The following IMMP2L variants were observed in gnomAD, a reference collection of about 807,000 sequenced individuals.
IMMP2L encodes the protein inner mitochondrial membrane peptidase subunit 2.
In IMMP2L, 18 loss-of-function variants were observed where a neutral mutation model predicts 19.3. That is an observed-to-expected ratio of 0.93 (90% CI 0.64 to 1.38). The LOEUF (loss-of-function observed/expected upper bound fraction) is 1.38. Among genes scored for constraint, IMMP2L ranks in the 40% most tolerant of loss-of-function variants. The probability of loss-of-function intolerance (pLI) is 0.00; values close to 1 mark genes in which losing one functional copy is unlikely to be tolerated. For synonymous variants in IMMP2L, 76 were observed against 73.0 expected, an observed-to-expected ratio of 1.04 and a Z score of -0.21; for missense variants, 233 against 218.2, an observed-to-expected ratio of 1.07 and a Z score of -0.43.
At chr7:110,798,613 T>A (rs1057306693) in intron 5 of IMMP2L, among the ~76,000 whole-genome samples, 1 of 152,000 alleles carries the variant, frequency 6.6e-6, no homozygotes, top group African/African-American at 2.4e-5. Flanking sequence ...AAAATTGAGA[T>A]TAATGCTAGA....
intron 3 of IMMP2L, among the ~76,000 whole-genome samples, chr7:111,300,220 T>G (rs1298373699): frequency 1.3e-5 from 2 of 152,156 alleles, no homozygotes; most frequent in African/African-American, 2.4e-5. Flanking sequence ...GAGATTTGTT[T>G]GCAGCTTTGC....
intron 3 of IMMP2L, among the ~76,000 whole-genome samples, chr7:111,373,162 C>A (rs1184779104): frequency 6.7e-6 from 1 of 150,366 alleles, no homozygotes; most frequent in Non-Finnish European, 1.5e-5. Flanking sequence ...ACATGCCTCC[C>A]ACAGGGTAGT....
chr7:111,085,929 T>C (rs1586166584), intron 3 of IMMP2L, among the ~76,000 whole-genome samples: 1 of 152,070 alleles, frequency 6.6e-6, no homozygotes, highest in East Asian at 1.9e-4. Context: ...AAGTGGGGGC[T>C]AAGTGATGAA....
chr7:111,033,541 T>A (rs569481284), intron 3 of IMMP2L, among the ~76,000 whole-genome samples: 12 of 152,352 alleles, frequency 7.9e-5, no homozygotes, highest in African/African-American at 2.4e-4. Flanking sequence ...AGCAGCTTTA[T>A]TCATAATTGC....
intron 3 of IMMP2L, among the ~76,000 whole-genome samples, chr7:111,121,796 G>C (rs554164500): frequency 6.7e-4 from 102 of 152,214 alleles, no homozygotes; most frequent in Non-Finnish European, 8.1e-4. Context: ...TATTGCAGCA[G>C]TATTCACAAT....
rs1406181189 is a variant in IMMP2L, at chr7:111,501,292, A to G, written c.136-13951T>C. Among the ~76,000 whole-genome samples, 100 of 152,142 alleles carry G rather than the reference A, an allele frequency of 6.6e-4. 3 individuals are homozygous for G. The South Asian group carries it at 0.018, about 27-fold the overall frequency. On this transcript the variant is annotated intron_variant, in intron 2 of 5. Transcript: ENST00000405709. ...TAGAGAAAAAAGAATAAAAAGAAAC[A>G]AACAAAGCCTCCAAGAAATATGGGA...
intron 1 of IMMP2L, among the ~76,000 whole-genome samples, chr7:111,557,133 C>T (rs953733108): frequency 1.3e-5 from 2 of 152,120 alleles, no homozygotes; most frequent in African/African-American, 4.8e-5. Flanking sequence ...TCTATTCCCA[C>T]TACTTCCACC....
At chr7:111,402,123 AAATAATAATAATAATAATAATAAT>A (rs59071691) in intron 3 of IMMP2L, among the ~76,000 whole-genome samples, 5,271 of 137,334 alleles carry the variant, frequency 0.038, 347 homozygotes, top group African/African-American at 0.13. Context: ...CCCATCTCAA[AAATAATAATAATAATAATAATAAT>A]AATAATAATA....
At chr7:110,750,250 G>GT (rs1464443185) in intron 5 of IMMP2L, among the ~76,000 whole-genome samples, 1 of 131,512 alleles carries the variant, frequency 7.6e-6, no homozygotes, top group Non-Finnish European at 1.8e-5. Context: ...AGAACCAGCT[G>GT]TAAGAGTTTT....
intron 3 of IMMP2L, among the ~76,000 whole-genome samples, chr7:111,444,293 T>C (rs978632607): frequency 2.0e-5 from 3 of 152,186 alleles, no homozygotes; most frequent in African/African-American, 7.2e-5. Context: ...GATGTATATG[T>C]ATATGCACAC....
At chr7:111,417,974 T>G (rs1161221394) in intron 3 of IMMP2L, among the ~76,000 whole-genome samples, 3 of 151,802 alleles carry the variant, frequency 2.0e-5, no homozygotes, top group Admixed American at 2.0e-4. Flanking sequence ...AAACAAAATC[T>G]TCCTAACCAT....
chr7:110,792,777 T>C (rs983675736), intron 5 of IMMP2L, among the ~76,000 whole-genome samples: 2 of 152,116 alleles, frequency 1.3e-5, no homozygotes, highest in African/African-American at 2.4e-5. Context: ...ATGAATGACA[T>C]GTATCCACCA....
chr7:111,044,655 A>T (rs776339136), intron 3 of IMMP2L, among the ~76,000 whole-genome samples: 3 of 152,210 alleles, frequency 2.0e-5, no homozygotes, highest in Non-Finnish European at 4.4e-5. Context: ...CTACTGTCAT[A>T]TTTCTTAACT....
chr7:111,413,144 A>G (rs939197507), intron 3 of IMMP2L, among the ~76,000 whole-genome samples: 2 of 152,122 alleles, frequency 1.3e-5, no homozygotes, highest in South Asian at 2.1e-4. Flanking sequence ...AAATGAACCA[A>G]TTGATTAAAA....
intron 3 of IMMP2L, among the ~76,000 whole-genome samples, chr7:111,303,542 A>G (rs960431227): frequency 4.6e-5 from 7 of 152,178 alleles, no homozygotes; most frequent in Admixed American, 3.9e-4. Context: ...AGGGCATCCT[A>G]TATTTTATTT....
chr7:111,144,084 T>C (rs954061191), intron 3 of IMMP2L, among the ~76,000 whole-genome samples: 3 of 152,114 alleles, frequency 2.0e-5, no homozygotes, highest in African/African-American at 7.2e-5. Context: ...GGCAAACCCA[T>C]CATGTTGTGA....
At chr7:111,097,335 GTAGA>G (rs1455294265) in intron 3 of IMMP2L, 1 of 151,826 alleles carries the variant, frequency 6.6e-6, no homozygotes, top group Non-Finnish European at 1.5e-5. Context: ...ATGAATAATA[GTAGA>G]TATTTTAACT....
rs114592085 is a variant in IMMP2L at position 110,983,671 on chromosome 7, C to T, written c.240-20106G>A. On this transcript the variant is annotated intron_variant, in intron 3 of 5. Transcript: ENST00000405709. ...AGGATGTGAAATTCAAAGTATTTAA[C>T]AAGTGTTATGATGAAGCACTGTCCA... Among the ~76,000 whole-genome samples the T allele has an allele frequency of 5.0e-3, 760 of 151,880 alleles. 7 individuals carry two copies. The highest frequency in any genetic ancestry group is 0.017 in the African/African-American group (724 of 41,464).
intron 3 of IMMP2L, among the ~76,000 whole-genome samples, chr7:111,068,734 C>T (rs148364636): frequency 6.6e-6 from 1 of 152,264 alleles, no homozygotes; most frequent in African/African-American, 2.4e-5. Flanking sequence ...CAATTTCCAA[C>T]TAAAATGTAA....
Sources: gnomAD v4.1 joint callset for allele counts (sites outside exome capture counted in the v4.1 genomes callset) on GRCh38, gnomAD v4.1.1 for gene constraint, MANE v1.5 for transcripts, NCBI Gene and HGNC (gene_info 2026-07-23, HGNC 2026-07-21) for gene names.